The following TRAK1 variants were observed in gnomAD, a reference collection of about 807,000 sequenced individuals.
TRAK1 encodes trafficking kinesin-binding protein 1.
A neutral mutation model predicts 92.1 loss-of-function variants in TRAK1; 33 were observed. The observed-to-expected ratio is 0.36, with a 90% CI of 0.27 to 0.48. TRAK1 has a LOEUF of 0.48. Ranked by LOEUF, TRAK1 falls within the 20% of genes least tolerant of loss-of-function variation. TRAK1 has a pLI of 0.99. For missense variants in TRAK1, 1,123 were observed against 1,257.9 expected (o/e 0.89, Z 1.62); for synonymous variants, 521 against 517.3 (o/e 1.01, Z -0.10).
chr3:42,055,234 TGTA>T (rs1703152616), intron 1 of TRAK1, among the ~76,000 whole-genome samples: 1 of 152,076 alleles, frequency 6.6e-6, no homozygotes, highest in Non-Finnish European at 1.5e-5. Context: ...TTTTAACACA[TGTA>T]TAGAGTCATG....
intron 1 of TRAK1, among the ~76,000 whole-genome samples, chr3:42,075,831 A>C: frequency 6.6e-6 from 1 of 151,774 alleles, no homozygotes; most frequent in East Asian, 1.9e-4. Context: ...CCATTTTTAA[A>C]ATTTTTAAAA....
intron 2 of TRAK1, among the ~76,000 whole-genome samples, chr3:42,147,911 C>T (rs188912846): frequency 1.3e-5 from 2 of 152,084 alleles, no homozygotes; most frequent in Non-Finnish European, 2.9e-5. Context: ...TGAGATGGAT[C>T]GATACAAAGT....
intron 1 of TRAK1, among the ~76,000 whole-genome samples, chr3:42,017,066 C>T (rs1482052243): frequency 6.6e-6 from 1 of 152,160 alleles, no homozygotes; most frequent in African/African-American, 2.4e-5. Context: ...TCGAGACCAG[C>T]CTGGGCAACA....
chr3:42,203,025 C>A, intron 13 of TRAK1: 1 of 1,255,992 alleles, frequency 8.0e-7, no homozygotes, highest in Non-Finnish European at 1.0e-6. Flanking sequence ...TAGTTCTTTC[C>A]TTTGCCTTTA....
At chr3:42,203,565 AAG>A (rs1199856741) in intron 13 of TRAK1, 1 of 983,764 alleles carries the variant, frequency 1.0e-6, no homozygotes, top group Non-Finnish European at 1.2e-6. Flanking sequence ...CTACTCTGCC[AAG>A]AGCCACCAAG....
In TRAK1 at chr3:42,149,203, G is replaced by A. The variant is rs371799484; in HGVS notation, c.286+23589G>A. On this transcript the variant is annotated intron_variant, in intron 2 of 15. Coordinates refer to ENST00000327628, the MANE Select transcript of TRAK1 (RefSeq NM_001042646.3). Reference sequence around the variant, plus strand: ...TGTGTGTCTCTGACGTCACCCTCTAGGCGTCTGGATAGGACGATCCTGGCT... The same window carrying A: ...TGTGTGTCTCTGACGTCACCCTCTAAGCGTCTGGATAGGACGATCCTGGCT... 36 of 1,095,720 alleles carry A rather than the reference G, an allele frequency of 3.3e-5. No homozygotes were observed. The East Asian group carries it at 4.3e-4, about 13-fold the overall frequency. 67.9% of individuals were successfully genotyped at this position (1,095,720 alleles called of 1,614,324 possible). A position where few individuals can be genotyped will look rare whatever the true frequency, so the allele number is the denominator to read the frequency against.
At chr3:42,220,504 G>A in intron 15 of TRAK1, 1 of 985,454 alleles carries the variant, frequency 1.0e-6, no homozygotes, top group Non-Finnish European at 1.2e-6. Context: ...CGCAGGTCAT[G>A]TGAGGAGGAC....
chr3:42,055,222 A>C (rs1703152251), intron 1 of TRAK1, among the ~76,000 whole-genome samples: 1 of 152,062 alleles, frequency 6.6e-6, no homozygotes, highest in African/African-American at 2.4e-5. Context: ...ACCCAGCCTG[A>C]ATTTTAACAC....
intron 1 of TRAK1, among the ~76,000 whole-genome samples, chr3:42,014,579 G>T (rs1439156845): frequency 1.3e-5 from 2 of 152,204 alleles, no homozygotes; most frequent in Non-Finnish European, 2.9e-5. Context: ...TAGTCTCCAA[G>T]GTCAAGCTCT....
At chr3:42,186,380 T>C (rs1427160612) in intron 4 of TRAK1, among the ~76,000 whole-genome samples, 1 of 152,246 alleles carries the variant, frequency 6.6e-6, no homozygotes, top group East Asian at 1.9e-4. Flanking sequence ...GTTAAAGCTA[T>C]TCCCAGTACA....
chr3:42,071,885 T>G (rs1703947591), intron 1 of TRAK1, among the ~76,000 whole-genome samples: 1 of 152,170 alleles, frequency 6.6e-6, no homozygotes, highest in African/African-American at 2.4e-5. Flanking sequence ...GCCTGGAGTC[T>G]CAGATTTCCA....
chr3:42,062,612 CTG>C (rs1703496236), intron 1 of TRAK1, among the ~76,000 whole-genome samples: 1 of 152,192 alleles, frequency 6.6e-6, no homozygotes, highest in South Asian at 2.1e-4. Flanking sequence ...GCATGCTACT[CTG>C]TGTGAAATAG....
intron 1 of TRAK1, among the ~76,000 whole-genome samples, chr3:42,045,181 C>G (rs1471702865): frequency 6.6e-6 from 1 of 152,092 alleles, no homozygotes; most frequent in East Asian, 1.9e-4. Flanking sequence ...AGGAAACCTA[C>G]TGTGGGAACT....
chr3:42,014,838 A>G (rs768302688), intron 1 of TRAK1, among the ~76,000 whole-genome samples: 14 of 151,654 alleles, frequency 9.2e-5, no homozygotes, highest in Non-Finnish European at 1.9e-4. Flanking sequence ...CTTCACTGGA[A>G]CTTTATTTGC....
intron 1 of TRAK1, among the ~76,000 whole-genome samples, chr3:42,114,675 T>C (rs1404087568): frequency 6.6e-6 from 1 of 152,224 alleles, no homozygotes; most frequent in Non-Finnish European, 1.5e-5. Flanking sequence ...TAATCTTCCC[T>C]TGGTTATTTG....
intron 2 of TRAK1, among the ~76,000 whole-genome samples, chr3:42,146,806 T>C (rs931994734): frequency 6.6e-6 from 1 of 152,228 alleles, no homozygotes; most frequent in Non-Finnish European, 1.5e-5. Context: ...TCCTTCCTTC[T>C]TGGCCTCCCA....
intron 3 of TRAK1, among the ~76,000 whole-genome samples, chr3:42,181,095 C>G (rs1703933881): frequency 6.6e-6 from 1 of 152,208 alleles, no homozygotes; most frequent in Non-Finnish European, 1.5e-5. Context: ...GTTTCTCTTT[C>G]CCTTCCTGTC....
chr3:42,127,498 A>G (rs531977773), intron 2 of TRAK1, among the ~76,000 whole-genome samples: 1 of 151,950 alleles, frequency 6.6e-6, no homozygotes, highest in African/African-American at 2.4e-5. Flanking sequence ...GACTACATGT[A>G]TGTACCACGT....
At chr3:42,196,704 ATTT>A (rs35460407) in intron 10 of TRAK1, among the ~76,000 whole-genome samples, 3 of 142,088 alleles carry the variant, frequency 2.1e-5, no homozygotes, top group East Asian at 2.1e-4. Flanking sequence ...CGCCCGGCTA[ATTT>A]TTTTTTTTTT....
Sources: allele counts gnomAD v4.1 joint callset (sites outside exome capture counted in the v4.1 genomes callset), GRCh38; gene constraint gnomAD v4.1.1; transcripts MANE v1.5; gene names NCBI Gene and HGNC (gene_info 2026-07-23, HGNC 2026-07-21).